Variants in FUT8 observed in about 807,000 individuals in gnomAD.
FUT8 encodes fucosyltransferase 8.
FUT8 carries 29 observed loss-of-function variants against 71.3 expected under a neutral mutation model. The observed-to-expected ratio is 0.41, with a 90% CI of 0.30 to 0.55. The LOEUF is 0.55. Ranked by LOEUF, FUT8 falls within the 20% of genes least tolerant of loss-of-function variation. The pLI is 0.34. For synonymous variants in FUT8, 254 were observed against 239.3 expected, an observed-to-expected ratio of 1.06 and a Z score of -0.57; for missense variants, 544 against 702.1, an observed-to-expected ratio of 0.77 and a Z score of 2.55.
chr14:65,637,567 A>G (rs1890624148), intron 6 of FUT8, among the ~76,000 whole-genome samples: 1 of 152,198 alleles, frequency 6.6e-6, no homozygotes, highest in African/African-American at 2.4e-5. Flanking sequence ...TAAAGTATGT[A>G]AAAAGAAATA....
intron 2 of FUT8, among the ~76,000 whole-genome samples, chr14:65,512,563 C>A (rs1882418087): frequency 6.6e-6 from 1 of 152,062 alleles, no homozygotes; most frequent in South Asian, 2.1e-4. Flanking sequence ...TGACAAGTTA[C>A]TGAACGTTCT....
At chr14:65,562,027 G>T (rs1044305010) in intron 3 of FUT8, among the ~76,000 whole-genome samples, 2 of 151,858 alleles carry the variant, frequency 1.3e-5, no homozygotes, top group Non-Finnish European at 2.9e-5. Context: ...AACATTCTGA[G>T]ATTTTTTTAT....
intron 7 of FUT8, among the ~76,000 whole-genome samples, chr14:65,674,942 T>C (rs1297565053): frequency 1.3e-5 from 2 of 152,226 alleles, no homozygotes; most frequent in African/African-American, 4.8e-5. Context: ...CAAGTATCAT[T>C]GCAGGTACAT....
chr14:65,480,734 T>C (rs1187849436), intron 2 of FUT8, among the ~76,000 whole-genome samples: 1 of 152,080 alleles, frequency 6.6e-6, no homozygotes, highest in Non-Finnish European at 1.5e-5. Flanking sequence ...TCACTCAGGC[T>C]GGAGCGTAGT....
intron 7 of FUT8, among the ~76,000 whole-genome samples, chr14:65,676,221 C>T (rs1298198846): frequency 2.0e-5 from 3 of 152,236 alleles, no homozygotes; most frequent in Admixed American, 6.5e-5. Flanking sequence ...GATAAAAGGA[C>T]GTGTGACTTA....
chr14:65,425,468 GTTTTTTTTTTT>G (rs557101189), intron 1 of FUT8, among the ~76,000 whole-genome samples: 4 of 119,572 alleles, frequency 3.3e-5, no homozygotes, highest in Non-Finnish European at 7.0e-5. Flanking sequence ...ATGCCTGGCC[GTTTTTTTTTTT>G]TTTTTTTTTA....
intron 2 of FUT8, among the ~76,000 whole-genome samples, chr14:65,486,916 C>T (rs138119434): frequency 6.6e-6 from 1 of 152,080 alleles, no homozygotes; most frequent in African/African-American, 2.4e-5. Flanking sequence ...GCATATTTCC[C>T]TAGTGATTAT....
intron 7 of FUT8, among the ~76,000 whole-genome samples, chr14:65,715,607 T>C (rs1186481291): frequency 1.3e-5 from 2 of 152,226 alleles, no homozygotes; most frequent in South Asian, 2.1e-4. Flanking sequence ...TATAAACTTC[T>C]CTGTCAGTAC....
intron 2 of FUT8, among the ~76,000 whole-genome samples, chr14:65,496,008 CATA>C (rs1477336002): frequency 1.3e-5 from 2 of 152,098 alleles, no homozygotes; most frequent in African/African-American, 4.8e-5. Flanking sequence ...TCATTAGGAA[CATA>C]ATCAGATTTT....
chr14:65,601,756 A>G (rs1888298410), intron 3 of FUT8, among the ~76,000 whole-genome samples: 1 of 152,176 alleles, frequency 6.6e-6, no homozygotes, highest in South Asian at 2.1e-4. Context: ...ATCAAATATC[A>G]TTAATGATGA....
intron 6 of FUT8, among the ~76,000 whole-genome samples, chr14:65,668,059 T>A (rs1000070430): frequency 6.6e-6 from 1 of 152,160 alleles, no homozygotes; most frequent in Non-Finnish European, 1.5e-5. Flanking sequence ...TTTCACTATA[T>A]ACAAAAATTA....
chr14:65,742,542 C>G lies in FUT8; in HGVS notation c.*132C>G. 1 of 737,072 alleles carries G rather than the reference C, an allele frequency of 1.4e-6. No individual in the cohort carries two copies. The highest frequency in any genetic ancestry group is 2.2e-6 in the Non-Finnish European group (1 of 459,184). The allele number at this position is 737,072 out of a possible 1,614,324, so 45.7% of individuals were successfully genotyped here. A position where few individuals can be genotyped will look rare whatever the true frequency, so the allele number is the denominator to read the frequency against. On this transcript the variant is annotated 3_prime_UTR_variant, in exon 11 of 11. Coordinates refer to ENST00000673929, the MANE Select transcript of FUT8 (RefSeq NM_001371533.1). ...TTATATGAGTAGATACTCTCAGCACCAAGAGCAGCTGGGAACTGACATAGG... is the reference window on the plus strand; with the variant it reads ...TTATATGAGTAGATACTCTCAGCACGAAGAGCAGCTGGGAACTGACATAGG...
chr14:65,557,711 A>C (rs1285547313), intron 2 of FUT8, among the ~76,000 whole-genome samples: 3 of 151,978 alleles, frequency 2.0e-5, no homozygotes, highest in Non-Finnish European at 4.4e-5. Flanking sequence ...ATTTCAGTAC[A>C]TTTAGTATAT....
At chr14:65,734,267 G>A (rs1244348621) in intron 10 of FUT8, among the ~76,000 whole-genome samples, 1 of 152,110 alleles carries the variant, frequency 6.6e-6, no homozygotes, top group Non-Finnish European at 1.5e-5. Flanking sequence ...CTGAGAAGAA[G>A]CGGAGAAAAG....
intron 3 of FUT8, among the ~76,000 whole-genome samples, chr14:65,595,225 G>C (rs982716741): frequency 6.6e-5 from 10 of 152,106 alleles, no homozygotes; most frequent in Non-Finnish European, 1.2e-4. Flanking sequence ...ATTGATTCCT[G>C]AGTCTCCTGA....
At chr14:65,654,239 A>C (rs1891549513) in intron 6 of FUT8, among the ~76,000 whole-genome samples, 1 of 152,202 alleles carries the variant, frequency 6.6e-6, no homozygotes. Flanking sequence ...CAAAATGTTG[A>C]GTAGACTGTA....
the FUT8 span, among the ~76,000 whole-genome samples, chr14:65,388,515 G>A: frequency 5.9e-5 from 9 of 152,056 alleles, no homozygotes; most frequent in South Asian, 2.1e-4. Flanking sequence ...TAATCCTAGC[G>A]CTTTGGCAGG....
At chr14:65,662,367 T>C (rs1892008748) in intron 6 of FUT8, among the ~76,000 whole-genome samples, 1 of 152,082 alleles carries the variant, frequency 6.6e-6, no homozygotes, top group Non-Finnish European at 1.5e-5. Flanking sequence ...GCCTGAGCAA[T>C]AGAGCCAGAC....
intron 1 of FUT8, among the ~76,000 whole-genome samples, chr14:65,427,789 CT>C (rs1282237249): frequency 6.6e-6 from 1 of 152,136 alleles, no homozygotes; most frequent in African/African-American, 2.4e-5. Flanking sequence ...TTTTAGAAAA[CT>C]TTCATCTTCC....
Sources: gnomAD v4.1 joint callset for allele counts (sites outside exome capture counted in the v4.1 genomes callset) on GRCh38, gnomAD v4.1.1 for gene constraint, MANE v1.5 for transcripts, NCBI Gene and HGNC (gene_info 2026-07-23, HGNC 2026-07-21) for gene names.